GSG1L: variants seen among roughly 807,000 people sequenced by gnomAD.
GSG1L encodes GSG1 like.
Under a neutral mutation model 42.1 loss-of-function variants are expected in GSG1L, and 24 were observed. That is an observed-to-expected ratio of 0.57 (90% CI 0.41 to 0.80). The LOEUF (loss-of-function observed/expected upper bound fraction) is 0.80, where lower values mean the gene tolerates loss of function less well. Among genes scored for constraint, GSG1L ranks in the 30% least tolerant of loss-of-function variants. The pLI, the probability that GSG1L is intolerant of heterozygous loss-of-function variation, is 0.00. For synonymous variants in GSG1L, 215 were observed against 203.5 expected, an observed-to-expected ratio of 1.06 and a Z score of -0.48; for missense variants, 445 against 472.2, an observed-to-expected ratio of 0.94 and a Z score of 0.53.
At chr16:27,948,333 T>C (rs1055284637) in intron 2 of GSG1L, among the ~76,000 whole-genome samples, 1 of 150,968 alleles carries the variant, frequency 6.6e-6, no homozygotes, top group Non-Finnish European at 1.5e-5. Context: ...GCCTGGCATG[T>C]TGCTAAAACA....
At chr16:27,972,795 C>T (rs1567540201) in intron 1 of GSG1L, among the ~76,000 whole-genome samples, 2 of 152,190 alleles carry the variant, frequency 1.3e-5, no homozygotes, top group Non-Finnish European at 2.9e-5. Context: ...TATATCTTAG[C>T]GTTTTAAAAG....
Position 28,063,456 on chromosome 16 carries a change from G to T in GSG1L, c.-32C>A. The T allele has an allele frequency of 8.7e-7, 1 of 1,147,244 alleles. No individual in the cohort carries two copies. The highest frequency in any genetic ancestry group is 1.1e-6 in the Non-Finnish European group (1 of 932,398). 71.1% of individuals were successfully genotyped at this position (1,147,244 alleles called of 1,614,324 possible). A position where few individuals can be genotyped will look rare whatever the true frequency, so the allele number is the denominator to read the frequency against. The stretch of plus-strand genomic sequence containing the variant: ...CGCGCCGCCGGGACGGGACTGCACC[G>T]CCGGGGAGCTCCGCGCGCGAAGTTG... On this transcript the variant is annotated 5_prime_UTR_variant, in exon 1 of 7. Coordinates refer to ENST00000447459, the MANE Select transcript of GSG1L (RefSeq NM_001109763.2). This position sits in a 1 kb window ranked among gnomAD's most constrained non-coding sequence, Gnocchi z 5.8.
At chr16:27,829,778 A>G (rs1018747957) in intron 4 of GSG1L, among the ~76,000 whole-genome samples, 5 of 152,154 alleles carry the variant, frequency 3.3e-5, no homozygotes, top group Admixed American at 2.0e-4. Flanking sequence ...ATTAAAGGAG[A>G]TGATCCACTG....
chr16:27,817,751 C>T (rs111947293), intron 5 of GSG1L, among the ~76,000 whole-genome samples: 1 of 152,202 alleles, frequency 6.6e-6, no homozygotes, highest in African/African-American at 2.4e-5. Context: ...GCATGAGTGT[C>T]CAGCAATGTC....
chr16:27,863,406 A>G (rs2083678687), intron 3 of GSG1L: 1 of 152,098 alleles, frequency 6.6e-6, no homozygotes, highest in African/African-American at 2.4e-5. Context: ...ACCCAGCTTT[A>G]TTTGGTTCAT....
At chr16:28,030,838 T>G (rs1596715154) in intron 1 of GSG1L, among the ~76,000 whole-genome samples, 2 of 108,136 alleles carry the variant, frequency 1.8e-5, no homozygotes, top group Non-Finnish European at 1.8e-5. Flanking sequence ...TGGGGTGGAA[T>G]GGGATGGGAT....
chr16:27,908,599 G>C (rs1320225791), intron 2 of GSG1L, among the ~76,000 whole-genome samples: 1 of 152,162 alleles, frequency 6.6e-6, no homozygotes, highest in East Asian at 1.9e-4. Context: ...GAACAAGGTG[G>C]CTTTTCTGGT....
intron 2 of GSG1L, among the ~76,000 whole-genome samples, chr16:27,896,806 G>T (rs2084197114): frequency 6.6e-6 from 1 of 152,196 alleles, no homozygotes; most frequent in South Asian, 2.1e-4. Flanking sequence ...AAGGAGACAA[G>T]TTCTCCCCTT....
intron 4 of GSG1L, among the ~76,000 whole-genome samples, chr16:27,841,820 T>C (rs1469265145): frequency 6.6e-6 from 1 of 152,114 alleles, no homozygotes; most frequent in Non-Finnish European, 1.5e-5. Flanking sequence ...AATCCCTGGC[T>C]TCCAGGGAAA....
At chr16:27,865,101 ATTC>A (rs2083698415) in intron 3 of GSG1L, among the ~76,000 whole-genome samples, 1 of 151,984 alleles carries the variant, frequency 6.6e-6, no homozygotes, top group South Asian at 2.1e-4. Flanking sequence ...AGTCCCACGC[ATTC>A]TTCTGTGAGC....
chr16:27,846,829 CA>C (rs2083449489), intron 3 of GSG1L, among the ~76,000 whole-genome samples: 1 of 151,928 alleles, frequency 6.6e-6, no homozygotes, highest in East Asian at 1.9e-4. Flanking sequence ...TGGTGGTGGG[CA>C]CCTGTAGTCC....
chr16:27,977,760 G>A (rs2085267675), intron 1 of GSG1L, among the ~76,000 whole-genome samples: 1 of 152,064 alleles, frequency 6.6e-6, no homozygotes, highest in African/African-American at 2.4e-5. Context: ...CTCAAGGCCA[G>A]TCTTGTCACC....
At chr16:27,969,692 A>G (rs2085171695) in intron 1 of GSG1L, among the ~76,000 whole-genome samples, 1 of 152,126 alleles carries the variant, frequency 6.6e-6, no homozygotes, top group Admixed American at 6.5e-5. Context: ...TTTTGTGTGG[A>G]CAAGTTTTTG....
intron 3 of GSG1L, among the ~76,000 whole-genome samples, chr16:27,869,624 C>A (rs2083779478): frequency 7.7e-6 from 1 of 130,644 alleles, no homozygotes. Context: ...TCTCTCCTCT[C>A]TGCGTCTCCA....
chr16:27,875,553 T>C (rs555841718), intron 3 of GSG1L, among the ~76,000 whole-genome samples: 7 of 152,280 alleles, frequency 4.6e-5, no homozygotes, highest in African/African-American at 7.2e-5. Context: ...CTCTGATAAT[T>C]TGACAGTTTG....
At position 28,009,052 on chromosome 16, in the gene GSG1L, G is replaced by A. The variant is rs540617136; in HGVS notation, c.350-45849C>T. Among the ~76,000 whole-genome samples the A allele has an allele frequency of 5.9e-5, 9 of 152,148 alleles. 1 individual carries two copies. The highest frequency in any genetic ancestry group is 2.1e-4 in the South Asian group (1 of 4,822). On this transcript the variant is annotated intron_variant, in intron 1 of 6. Coordinates refer to ENST00000447459, the MANE Select transcript of GSG1L (RefSeq NM_001109763.2). ...TTGAAATCCTGACCTCAAGTGATCC[G>A]CCCGCCTTGGCCTCCCGAAGTACTG...
At chr16:27,887,467 C>T (rs909074532) in intron 2 of GSG1L, among the ~76,000 whole-genome samples, 2 of 152,188 alleles carry the variant, frequency 1.3e-5, no homozygotes, top group African/African-American at 2.4e-5. Context: ...CTTTCAATCA[C>T]GTGAACCAAT....
intron 2 of GSG1L, among the ~76,000 whole-genome samples, chr16:27,895,137 T>G (rs1025738695): frequency 2.0e-5 from 3 of 152,182 alleles, no homozygotes; most frequent in Admixed American, 6.5e-5. Flanking sequence ...CAGAAATGTC[T>G]TGTTTGGCCC....
chr16:27,962,033 C>T (rs2085078322), intron 2 of GSG1L, among the ~76,000 whole-genome samples: 1 of 152,220 alleles, frequency 6.6e-6, no homozygotes, highest in Non-Finnish European at 1.5e-5. Context: ...CCAGAGCCCT[C>T]TCTTAATCTC....
Sources: gnomAD v4.1 joint callset for allele counts (sites outside exome capture counted in the v4.1 genomes callset) on GRCh38, gnomAD v4.1.1 for gene constraint, Gnocchi (gnomAD v3.1) non-coding constraint, MANE v1.5 for transcripts, NCBI Gene and HGNC (gene_info 2026-07-23, HGNC 2026-07-21) for gene names.